The following GRID1 variants were observed in gnomAD, a reference collection of about 807,000 sequenced individuals.
The protein encoded by GRID1 is glutamate receptor ionotropic, delta-1.
A neutral mutation model predicts 98.0 loss-of-function variants in GRID1; 28 were observed. The observed-to-expected ratio is 0.29, with a 90% CI of 0.21 to 0.39. GRID1 has a LOEUF of 0.39. Ranked by LOEUF, GRID1 falls within the 10% of genes least tolerant of loss-of-function variation. The probability of loss-of-function intolerance (pLI) is 1.00; values close to 1 mark genes in which losing one functional copy is unlikely to be tolerated. For missense variants in GRID1, 1,111 were observed against 1,340.5 expected (o/e 0.83, Z 2.67); for synonymous variants, 553 against 538.5 (o/e 1.03, Z -0.37).
intron 4 of GRID1, among the ~76,000 whole-genome samples, chr10:85,934,811 A>T: frequency 6.6e-6 from 1 of 152,106 alleles, no homozygotes; most frequent in Non-Finnish European, 1.5e-5. Flanking sequence ...TCCAGGAGGG[A>T]GGAGGTGAGT....
intron 4 of GRID1, among the ~76,000 whole-genome samples, chr10:86,101,389 C>T (rs527475991): frequency 2.0e-4 from 30 of 152,294 alleles, no homozygotes; most frequent in Admixed American, 5.9e-4. Flanking sequence ...AGATACGGAA[C>T]AGCTCCATTG....
chr10:85,626,421 T>G (rs1842913197), intron 13 of GRID1, among the ~76,000 whole-genome samples: 1 of 152,180 alleles, frequency 6.6e-6, no homozygotes, highest in Non-Finnish European at 1.5e-5. Flanking sequence ...CTAGGGGACA[T>G]TGCTGGTGAC....
At chr10:85,865,936 T>TATATAC (rs1554836193) in intron 6 of GRID1, among the ~76,000 whole-genome samples, 2 of 112,672 alleles carry the variant, frequency 1.8e-5, no homozygotes, top group Non-Finnish European at 3.4e-5. Flanking sequence ...TATATATATA[T>TATATAC]ATATATACAC....
At chr10:85,752,265 G>T (rs995714464) in intron 8 of GRID1, among the ~76,000 whole-genome samples, 1 of 152,162 alleles carries the variant, frequency 6.6e-6, no homozygotes, top group Admixed American at 6.5e-5. Context: ...GTCCAGAAAT[G>T]ATGACTTGCA....
intron 2 of GRID1, among the ~76,000 whole-genome samples, chr10:86,328,538 A>G (rs941886997): frequency 1.3e-5 from 2 of 152,246 alleles, no homozygotes; most frequent in African/African-American, 4.8e-5. Context: ...TTATCTTGCC[A>G]GGTACCGAAG....
intron 12 of GRID1, among the ~76,000 whole-genome samples, chr10:85,667,355 T>C (rs1163572458): frequency 6.6e-6 from 1 of 151,064 alleles, no homozygotes; most frequent in African/African-American, 2.4e-5. Context: ...AGACGAACAA[T>C]GTCTTTTATT....
At chr10:86,166,089 C>T (rs904595061) in intron 3 of GRID1, among the ~76,000 whole-genome samples, 5 of 152,138 alleles carry the variant, frequency 3.3e-5, no homozygotes, top group East Asian at 1.9e-4. Context: ...TTGTTCTCAG[C>T]GGTTCTTTAT....
intron 8 of GRID1, among the ~76,000 whole-genome samples, chr10:85,730,390 G>A (rs1218875452): frequency 6.6e-6 from 1 of 152,140 alleles, no homozygotes; most frequent in Non-Finnish European, 1.5e-5. Flanking sequence ...ACTTTTGTCT[G>A]GGAAACGATT....
intron 8 of GRID1, among the ~76,000 whole-genome samples, chr10:85,735,816 G>A (rs970345257): frequency 1.3e-5 from 2 of 150,750 alleles, no homozygotes; most frequent in Admixed American, 1.3e-4. Context: ...AAGGAGGGAT[G>A]GAGGGATGCA....
chr10:86,235,175 A>G lies in GRID1; in HGVS notation c.236-28527T>C, dbSNP rs1589421134. Reference sequence around the variant, plus strand: ...CAGGCCCTGGAGAAGGCCCAGTCCCAACCTCCTAGTCCTCCACCCACCACC... The same window carrying G: ...CAGGCCCTGGAGAAGGCCCAGTCCCGACCTCCTAGTCCTCCACCCACCACC... On this transcript the variant is annotated intron_variant, in intron 2 of 15. Transcript: ENST00000327946. Among the ~76,000 whole-genome samples, 3 of 152,170 alleles carry G rather than the reference A, an allele frequency of 2.0e-5. No individual in the cohort carries two copies. The South Asian group carries it at 6.2e-4, about 32-fold the overall frequency.
intron 8 of GRID1, among the ~76,000 whole-genome samples, chr10:85,835,442 G>A (rs1312176619): frequency 6.6e-6 from 1 of 152,190 alleles, no homozygotes; most frequent in Non-Finnish European, 1.5e-5. Context: ...ATGGTAGTGA[G>A]TAAGTCTCAT....
At chr10:86,154,282 C>A (rs536932998) in intron 3 of GRID1, among the ~76,000 whole-genome samples, 1 of 152,304 alleles carries the variant, frequency 6.6e-6, no homozygotes, top group Non-Finnish European at 1.5e-5. Flanking sequence ...GTCCCACTCT[C>A]TCCCCTTCAT....
intron 12 of GRID1, among the ~76,000 whole-genome samples, chr10:85,648,397 A>G (rs969889453): frequency 3.5e-4 from 54 of 152,210 alleles, no homozygotes; most frequent in African/African-American, 1.2e-3. Context: ...AAATAAAAAA[A>G]GCCCAGTGGG....
intron 4 of GRID1, among the ~76,000 whole-genome samples, chr10:86,080,421 G>A (rs1241722340): frequency 6.4e-5 from 1 of 15,738 alleles, no homozygotes; most frequent in Non-Finnish European, 1.4e-4. Context: ...GGGGAGGGGA[G>A]GGGAGGGGAG....
chr10:86,114,139 G>C (rs573628756), intron 4 of GRID1, among the ~76,000 whole-genome samples: 2 of 152,258 alleles, frequency 1.3e-5, no homozygotes, highest in South Asian at 4.2e-4. Flanking sequence ...TCTCTGCACA[G>C]GGTGGGGCGG....
intron 4 of GRID1, among the ~76,000 whole-genome samples, chr10:86,062,244 C>A (rs972613980): frequency 2.6e-5 from 4 of 152,146 alleles, no homozygotes; most frequent in African/African-American, 9.7e-5. Context: ...GGCAGAGAGG[C>A]CTGGAAGGGC....
At position 85,787,044 on chromosome 10, in the gene GRID1, C is replaced by T. The variant is rs76314448; in HGVS notation, c.1234-57430G>A. Among the ~76,000 whole-genome samples, 501 of 152,376 alleles carry T rather than the reference C, an allele frequency of 3.3e-3. 3 individuals are homozygous for T. The highest frequency in any genetic ancestry group is 0.011 in the African/African-American group (445 of 41,594). On this transcript the variant is annotated intron_variant, in intron 8 of 15. Transcript: ENST00000327946. The stretch of plus-strand genomic sequence containing the variant: ...CCAGCTGCCATCCACCATCTCCCAT[C>T]AATGCCTTGCAGCCCTGGTTAGAGC...
At chr10:86,157,890 G>A (rs1845268134) in intron 3 of GRID1, among the ~76,000 whole-genome samples, 1 of 152,208 alleles carries the variant, frequency 6.6e-6, no homozygotes, top group South Asian at 2.1e-4. Flanking sequence ...GTCCATAAGT[G>A]TGGCTGCCTG....
intron 4 of GRID1, among the ~76,000 whole-genome samples, chr10:86,044,635 G>A (rs1564658199): frequency 1.3e-5 from 2 of 152,278 alleles, no homozygotes; most frequent in East Asian, 3.9e-4. Context: ...CAGAGGTGCC[G>A]TTACAGGGTC....
Sources: allele counts gnomAD v4.1 joint callset (sites outside exome capture counted in the v4.1 genomes callset), GRCh38; gene constraint gnomAD v4.1.1; transcripts MANE v1.5; gene names NCBI Gene and HGNC (gene_info 2026-07-23, HGNC 2026-07-21).